TUSC3: variants seen among roughly 807,000 people sequenced by gnomAD.
TUSC3 encodes tumor suppressor candidate 3.
TUSC3 carries 45 observed loss-of-function variants against 44.8 expected under a neutral mutation model. The observed-to-expected ratio is 1.00, with a 90% CI of 0.79 to 1.29. The LOEUF (loss-of-function observed/expected upper bound fraction) is 1.29, where lower values mean the gene tolerates loss of function less well. Ranked by LOEUF, TUSC3 falls within the 50% of genes most tolerant of loss-of-function variation. TUSC3 has a pLI of 0.00. For missense variants in TUSC3, 519 were observed against 437.9 expected, an observed-to-expected ratio of 1.19 and a Z score of -1.65; for synonymous variants, 212 against 152.9, an observed-to-expected ratio of 1.39 and a Z score of -2.85.
At chr8:15,437,804 C>G (rs534791293) in intron 1 of TUSC3, among the ~76,000 whole-genome samples, 15 of 152,244 alleles carry the variant, frequency 9.9e-5, no homozygotes, top group Non-Finnish European at 2.1e-4. Flanking sequence ...CTCCTACAGT[C>G]ATGCCTTAAG....
chr8:15,554,854 C>T (rs1282546296), intron 1 of TUSC3, among the ~76,000 whole-genome samples: 1 of 150,958 alleles, frequency 6.6e-6, no homozygotes, highest in Non-Finnish European at 1.5e-5. Flanking sequence ...ATCCACCTGC[C>T]TCAACCTCCC....
intron 2 of TUSC3, among the ~76,000 whole-genome samples, chr8:15,503,930 G>C (rs1801008586): frequency 6.7e-6 from 1 of 150,076 alleles, no homozygotes; most frequent in African/African-American, 2.5e-5. Context: ...CACAAGAATT[G>C]CTTGAACAGG....
intron 1 of TUSC3, among the ~76,000 whole-genome samples, chr8:15,590,216 T>C (rs1803769710): frequency 6.6e-6 from 1 of 152,222 alleles, no homozygotes; most frequent in African/African-American, 2.4e-5. Flanking sequence ...ATTGGACTTT[T>C]CACTCTGCTC....
At chr8:15,420,678 A>G (rs2129114999) in intron 1 of TUSC3, among the ~76,000 whole-genome samples, 1 of 151,990 alleles carries the variant, frequency 6.6e-6, no homozygotes, top group African/African-American at 2.4e-5. Context: ...TTTAATCATG[A>G]TTCTCTTTCC....
intron 1 of TUSC3, among the ~76,000 whole-genome samples, chr8:15,555,876 A>G (rs1009029961): frequency 4.0e-5 from 6 of 151,602 alleles, no homozygotes; most frequent in Admixed American, 6.6e-5. Context: ...ATATAAGCCA[A>G]TGTTGATTTA....
chr8:15,819,052 CT>C, the TUSC3 span, among the ~76,000 whole-genome samples: 9 of 151,232 alleles, frequency 6.0e-5, no homozygotes, highest in African/African-American at 2.2e-4. Context: ...AGTGAGACCC[CT>C]GTCTCTACAA....
At chr8:15,769,430 A>G (rs556488410), downstream of TUSC3, among the ~76,000 whole-genome samples, 2 of 152,224 alleles carry the variant, frequency 1.3e-5, no homozygotes, top group Non-Finnish European at 2.9e-5. Flanking sequence ...AATTAACTCA[A>G]GATGGATTAA....
the TUSC3 span, among the ~76,000 whole-genome samples, chr8:15,794,398 A>G: frequency 1.3e-5 from 2 of 152,304 alleles, no homozygotes; most frequent in Non-Finnish European, 2.9e-5. Context: ...TACAAAATTG[A>G]TGATTCCTCC....
chr8:15,796,697 C>CA, the TUSC3 span, among the ~76,000 whole-genome samples: 142 of 152,290 alleles, frequency 9.3e-4, 1 homozygote, highest in East Asian at 0.024. Context: ...GAAAGGGAGA[C>CA]AAAGTTTCTA....
At chr8:15,492,342 T>G (rs1480577348) in intron 2 of TUSC3, among the ~76,000 whole-genome samples, 1 of 152,162 alleles carries the variant, frequency 6.6e-6, no homozygotes, top group Non-Finnish European at 1.5e-5. Context: ...CAGTTAACAT[T>G]AACCTCTTGG....
At chr8:15,733,904 T>G (rs962961109) in intron 7 of TUSC3, among the ~76,000 whole-genome samples, 3 of 152,064 alleles carry the variant, frequency 2.0e-5, no homozygotes, top group Non-Finnish European at 4.4e-5. Flanking sequence ...ATTAGCCAGA[T>G]GTGATGGCAT....
intron 6 of TUSC3, among the ~76,000 whole-genome samples, chr8:15,693,517 G>T (rs1462577683): frequency 1.5e-5 from 2 of 130,972 alleles, no homozygotes; most frequent in African/African-American, 2.9e-5. Context: ...GGTTTCTGCT[G>T]TTTTAAGCCT....
intron 1 of TUSC3, among the ~76,000 whole-genome samples, chr8:15,594,777 G>T (rs1241713668): frequency 6.6e-6 from 1 of 152,114 alleles, no homozygotes; most frequent in Non-Finnish European, 1.5e-5. Context: ...CTTGAGTTTG[G>T]TGAGATGGAA....
At chr8:15,831,697 G>A in the TUSC3 span, among the ~76,000 whole-genome samples, 3 of 152,058 alleles carry the variant, frequency 2.0e-5, no homozygotes, top group Non-Finnish European at 4.4e-5. Context: ...GCTCAGGAAA[G>A]AATTTCAGGC....
At chr8:15,692,897 C>A (rs1445373864) in intron 6 of TUSC3, among the ~76,000 whole-genome samples, 6 of 152,086 alleles carry the variant, frequency 3.9e-5, no homozygotes, top group Non-Finnish European at 8.8e-5. Context: ...GAATTGAGCC[C>A]TTTACCACTA....
chr8:15,694,687 A>T (rs1046059626), intron 6 of TUSC3, among the ~76,000 whole-genome samples: 4 of 151,996 alleles, frequency 2.6e-5, no homozygotes, highest in African/African-American at 9.7e-5. Flanking sequence ...TGATTCTGGA[A>T]GATTTTGGGG....
intron 1 of TUSC3, among the ~76,000 whole-genome samples, chr8:15,617,179 G>C (rs1285575391): frequency 1.0e-5 from 1 of 98,440 alleles, no homozygotes; most frequent in Non-Finnish European, 2.0e-5. Flanking sequence ...TTGCTCTGTC[G>C]CCCAGGTTGC....
intron 5 of TUSC3, among the ~76,000 whole-genome samples, chr8:15,672,083 G>A (rs947826430): frequency 2.6e-5 from 4 of 152,018 alleles, no homozygotes; most frequent in African/African-American, 9.7e-5. Flanking sequence ...GCATGAACAA[G>A]ATGTGGATGC....
intron 6 of TUSC3, among the ~76,000 whole-genome samples, chr8:15,724,288 A>G (rs994363703): frequency 2.0e-5 from 3 of 152,106 alleles, no homozygotes; most frequent in African/African-American, 4.8e-5. Flanking sequence ...CATCCAGTCT[A>G]TGGTATTTTG....
Sources: gnomAD v4.1 joint callset for allele counts (sites outside exome capture counted in the v4.1 genomes callset) on GRCh38, gnomAD v4.1.1 for gene constraint, MANE v1.5 for transcripts, NCBI Gene and HGNC (gene_info 2026-07-23, HGNC 2026-07-21) for gene names.